SDK1: variants seen among roughly 807,000 people sequenced by gnomAD.
SDK1 encodes the protein protein sidekick-1.
In SDK1, 157 loss-of-function variants were observed where a neutral mutation model predicts 245.5. The observed-to-expected ratio is 0.64, with a 90% CI of 0.56 to 0.73. SDK1 has a LOEUF of 0.73. SDK1 is among the 30% of genes least tolerant of loss of function. SDK1 has a pLI of 0.00. For synonymous variants in SDK1, 1,647 were observed against 1,278.5 expected, an observed-to-expected ratio of 1.29 and a Z score of -6.15; for missense variants, 3,583 against 3,002.3, an observed-to-expected ratio of 1.19 and a Z score of -4.52.
At chr7:3,468,460 C>T (rs796366805) in intron 1 of SDK1, among the ~76,000 whole-genome samples, 4 of 152,258 alleles carry the variant, frequency 2.6e-5, no homozygotes, top group African/African-American at 9.6e-5. Flanking sequence ...CAAGGCAGAT[C>T]ATAGAAACCA....
At chr7:3,804,469 C>T (rs1779190265) in intron 4 of SDK1, among the ~76,000 whole-genome samples, 1 of 152,178 alleles carries the variant, frequency 6.6e-6, no homozygotes. Context: ...TTGCCAATAC[C>T]ACACTGGATA....
At chr7:3,519,991 TC>T (rs1267596922) in intron 1 of SDK1, among the ~76,000 whole-genome samples, 8 of 152,238 alleles carry the variant, frequency 5.3e-5, no homozygotes, top group African/African-American at 1.7e-4. Flanking sequence ...CATATGTTTT[TC>T]TATTTTACAG....
chr7:4,045,963 T>G (rs1459019619), intron 17 of SDK1, among the ~76,000 whole-genome samples: 3 of 152,108 alleles, frequency 2.0e-5, no homozygotes, highest in African/African-American at 7.2e-5. Flanking sequence ...TTTTTTTTTG[T>G]TTTTTTCTTT....
At chr7:3,551,777 G>A (rs1341369374) in intron 1 of SDK1, among the ~76,000 whole-genome samples, 2 of 152,042 alleles carry the variant, frequency 1.3e-5, no homozygotes, top group East Asian at 3.9e-4. Context: ...GTGGGTTCGA[G>A]CAGTGTTTCC....
rs57438657 is a variant in SDK1 at position 3,629,825 on chromosome 7, G to C, written c.459-9179G>C. ...TGCAGGAAAGCATGACCCATAATCA[G>C]GAGAGAAATCAGTTGATTGAAACCA... On this transcript the variant is annotated intron_variant, in intron 2 of 44. Transcript: ENST00000404826. Among the ~76,000 whole-genome samples, 92 of 152,304 alleles carry C rather than the reference G, an allele frequency of 6.0e-4. 2 individuals are homozygous for C. The East Asian group carries it at 0.017, about 29-fold the overall frequency.
intron 35 of SDK1, among the ~76,000 whole-genome samples, chr7:4,191,688 C>T (rs996247582): frequency 6.6e-6 from 1 of 152,248 alleles, no homozygotes; most frequent in Non-Finnish European, 1.5e-5. Flanking sequence ...TGGGCCTTTG[C>T]GACCTTCTCT....
At chr7:3,409,157 T>G (rs1218819771) in intron 1 of SDK1, among the ~76,000 whole-genome samples, 1 of 152,218 alleles carries the variant, frequency 6.6e-6, no homozygotes, top group African/African-American at 2.4e-5. Context: ...ACACTTCTGC[T>G]TCAGATTAAC....
At chr7:3,992,314 G>A (rs893557530) in intron 14 of SDK1, among the ~76,000 whole-genome samples, 7 of 152,230 alleles carry the variant, frequency 4.6e-5, no homozygotes, top group African/African-American at 1.7e-4. Context: ...AGATACACGT[G>A]GCCCTCTGCA....
At chr7:3,705,945 A>T (rs917216894) in intron 4 of SDK1, among the ~76,000 whole-genome samples, 2 of 152,186 alleles carry the variant, frequency 1.3e-5, no homozygotes, top group African/African-American at 4.8e-5. Context: ...AGTCCCATCT[A>T]TGCCTAGTTT....
intron 13 of SDK1, among the ~76,000 whole-genome samples, chr7:3,984,830 G>A (rs536553357): frequency 6.6e-6 from 1 of 152,300 alleles, no homozygotes; most frequent in Admixed American, 6.5e-5. Flanking sequence ...TGGGGTCCCA[G>A]AACCAATGTC....
chr7:4,142,981 G>A (rs771182147), intron 28 of SDK1, among the ~76,000 whole-genome samples: 4 of 152,160 alleles, frequency 2.6e-5, no homozygotes, highest in African/African-American at 4.8e-5. Flanking sequence ...TCCCAGCCCC[G>A]AGGAAGCAGG....
chr7:4,000,360 T>G (rs1215137506), intron 14 of SDK1, among the ~76,000 whole-genome samples: 1 of 152,210 alleles, frequency 6.6e-6, no homozygotes, highest in Non-Finnish European at 1.5e-5. Flanking sequence ...CGCCTCTGCT[T>G]TCTGAAGCAC....
chr7:3,899,400 C>G (rs1781707401), intron 5 of SDK1, among the ~76,000 whole-genome samples: 1 of 152,206 alleles, frequency 6.6e-6, no homozygotes, highest in Admixed American at 6.5e-5. Context: ...CATTTAAATC[C>G]TATGTCTACC....
intron 1 of SDK1, among the ~76,000 whole-genome samples, chr7:3,462,894 C>T (rs1003966283): frequency 2.0e-5 from 3 of 152,176 alleles, no homozygotes; most frequent in African/African-American, 4.8e-5. Context: ...ATGTTACCCC[C>T]ACCAGGTTAT....
chr7:3,332,626 G>C (rs564341694), intron 1 of SDK1, among the ~76,000 whole-genome samples: 6 of 151,974 alleles, frequency 3.9e-5, no homozygotes, highest in Admixed American at 3.9e-4. Context: ...TCTGTTTCTA[G>C]GCCCTAGAAA....
At chr7:3,604,813 G>C (rs943069960) in intron 1 of SDK1, among the ~76,000 whole-genome samples, 2 of 151,528 alleles carry the variant, frequency 1.3e-5, no homozygotes, top group African/African-American at 4.8e-5. Flanking sequence ...TGTTGGTCAG[G>C]CTGGTCTTGA....
chr7:3,433,152 G>C (rs1193785626), intron 1 of SDK1, among the ~76,000 whole-genome samples: 5 of 152,168 alleles, frequency 3.3e-5, no homozygotes, highest in African/African-American at 1.2e-4. Context: ...ACAGTACGGT[G>C]TTTAGCAAGT....
chr7:4,158,366 C>T, intron 30 of SDK1, 82 bp from the exon 31 acceptor site: 2 of 1,160,296 alleles, frequency 1.7e-6, no homozygotes, highest in South Asian at 1.3e-5. Flanking sequence ...ATTTGCCCCT[C>T]TTCCCAGGGC....
chr7:4,209,649 T>C (rs1410892123), intron 37 of SDK1, among the ~76,000 whole-genome samples: 4 of 150,908 alleles, frequency 2.7e-5, no homozygotes, highest in African/African-American at 9.7e-5. Flanking sequence ...ATCACAGAGC[T>C]CCGTCTCTCC....
Sources: allele counts gnomAD v4.1 joint callset (sites outside exome capture counted in the v4.1 genomes callset), GRCh38; gene constraint gnomAD v4.1.1; transcripts MANE v1.5; gene names NCBI Gene and HGNC (gene_info 2026-07-23, HGNC 2026-07-21).